ERCC6L2: variants seen among roughly 807,000 people sequenced by gnomAD.
ERCC6L2 encodes DNA excision repair protein ERCC-6-like 2.
In ERCC6L2, 77 loss-of-function variants were observed where a neutral mutation model predicts 132.0. That is an observed-to-expected ratio of 0.58 (90% CI 0.49 to 0.71). The LOEUF (loss-of-function observed/expected upper bound fraction) is 0.71, where lower values mean the gene tolerates loss of function less well. ERCC6L2 is among the 30% of genes least tolerant of loss of function. The probability of loss-of-function intolerance (pLI) is 0.00; values close to 1 mark genes in which losing one functional copy is unlikely to be tolerated. For synonymous variants in ERCC6L2, 583 were observed against 632.4 expected, an observed-to-expected ratio of 0.92 and a Z score of 1.17; for missense variants, 1,542 against 1,837.6, an observed-to-expected ratio of 0.84 and a Z score of 2.94.
intron 9 of ERCC6L2, 136 bp downstream of exon 9, chr9:95,923,515 A>AC: frequency 1.0e-6 from 1 of 959,880 alleles, no homozygotes; most frequent in Non-Finnish European, 1.5e-6. Context: ...AAGTGGTGCA[A>AC]TTGTATCAGC....
chr9:96,001,945 C>T (rs983235938), intron 17 of ERCC6L2, among the ~76,000 whole-genome samples: 28 of 152,368 alleles, frequency 1.8e-4, no homozygotes, highest in African/African-American at 6.3e-4. Flanking sequence ...GTACACCCTC[C>T]GCAGCCACTG....
rs757258230 is a variant in ERCC6L2, at chr9:96,004,632, AG to A, written c.3606del (p.Lys1203ArgfsTer13). 1 of 1,329,914 alleles carries A rather than the reference AG, an allele frequency of 7.5e-7. No homozygotes were observed. Among genetic ancestry groups the A allele is most frequent in the Non-Finnish European group, 1.0e-6 (1 of 1,001,520 alleles). The allele number at this position is 1,329,914 out of a possible 1,614,324, so 82.4% of individuals were successfully genotyped here. ...PLYISNPVNQ[K>X]KKKVYHTNQT... ...TACATTTCAAATCCTGTAAACCAGA[AG>A]AAGAAAAAAGTCTACCATACAAACC... On this transcript the variant is annotated frameshift_variant, in exon 18 of 19. Transcript: ENST00000653738. LOFTEE classifies it high-confidence loss of function.
intron 10 of ERCC6L2, 95 bp from the exon 11 acceptor site, chr9:95,928,624 C>T (rs1344730678): frequency 1.8e-6 from 2 of 1,088,460 alleles, no homozygotes; most frequent in Non-Finnish European, 2.5e-6. Flanking sequence ...ATTATGAACA[C>T]CAATAATTAA....
chr9:95,960,398 A>T (rs1831846008), intron 13 of ERCC6L2, among the ~76,000 whole-genome samples: 1 of 152,166 alleles, frequency 6.6e-6, no homozygotes, highest in Admixed American at 6.6e-5. Flanking sequence ...ATGGTACTTT[A>T]TATGGAAAAA....
intron 1 of ERCC6L2, among the ~76,000 whole-genome samples, chr9:95,877,799 T>C (rs1218680425): frequency 6.6e-6 from 1 of 150,786 alleles, no homozygotes; most frequent in African/African-American, 2.5e-5. Context: ...GAGACACTCT[T>C]GTCTAAAAAA....
At chr9:95,963,193 T>G (rs1000548330) in intron 13 of ERCC6L2, among the ~76,000 whole-genome samples, 1 of 151,860 alleles carries the variant, frequency 6.6e-6, no homozygotes, top group Non-Finnish European at 1.5e-5. Flanking sequence ...ATTTTATTTG[T>G]AAGTGTTTGC....
intron 2 of ERCC6L2, among the ~76,000 whole-genome samples, chr9:95,891,221 A>G (rs1828145380): frequency 6.6e-6 from 1 of 152,186 alleles, no homozygotes; most frequent in East Asian, 1.9e-4. Flanking sequence ...CTGTCTCAAA[A>G]AAAAGCTCCT....
chr9:95,986,194 A>G (rs75067187), intron 17 of ERCC6L2, among the ~76,000 whole-genome samples: 4,998 of 152,322 alleles, frequency 0.033, 101 homozygotes, highest in East Asian at 0.13. Flanking sequence ...ATGCATATGT[A>G]CAACATGCTT....
chr9:96,037,673 A>T (rs1377408155), intron 19 of ERCC6L2, among the ~76,000 whole-genome samples: 1 of 152,116 alleles, frequency 6.6e-6, no homozygotes, highest in East Asian at 1.9e-4. Flanking sequence ...ATAGCTTCTG[A>T]GCACCTAAAC....
chr9:95,907,970 G>A (rs1247847456), intron 4 of ERCC6L2, among the ~76,000 whole-genome samples: 1 of 151,970 alleles, frequency 6.6e-6, no homozygotes, highest in African/African-American at 2.4e-5. Flanking sequence ...GGTACTTTGA[G>A]GATTTTGATC....
At chr9:95,976,531 C>T (rs914702284) in intron 16 of ERCC6L2, among the ~76,000 whole-genome samples, 6 of 152,186 alleles carry the variant, frequency 3.9e-5, no homozygotes, top group Non-Finnish European at 8.8e-5. Flanking sequence ...TTAGGTCTGT[C>T]AGGTACCCTG....
chr9:96,026,792 C>CACACACACA (rs1554764966), intron 19 of ERCC6L2, among the ~76,000 whole-genome samples: 1 of 134,134 alleles, frequency 7.5e-6, no homozygotes, highest in Admixed American at 7.4e-5. Flanking sequence ...CCACACACAC[C>CACACACACA]CCACACACAT....
Position 95,970,674 on chromosome 9 carries a change from C to G in ERCC6L2, c.2181+18C>G. 1 of 1,294,464 alleles carries G rather than the reference C, an allele frequency of 7.7e-7. No individual in the cohort carries two copies. The highest frequency in any genetic ancestry group is 1.0e-6 in the Non-Finnish European group (1 of 983,410). The allele number at this position is 1,294,464 out of a possible 1,614,324, so 80.2% of individuals were successfully genotyped here. A position where few individuals can be genotyped will look rare whatever the true frequency, so the allele number is the denominator to read the frequency against. On this transcript the variant is annotated intron_variant, in intron 15 of 18. Coordinates refer to ENST00000653738, the MANE Select transcript of ERCC6L2 (RefSeq NM_020207.7). The stretch of plus-strand genomic sequence containing the variant: ...TGGAAATGGTATGTAATATTTGAAC[C>G]TGTAGACTACAACACCTAGAAAACA...
At chr9:95,878,973 A>G (rs1287055924) in intron 1 of ERCC6L2, among the ~76,000 whole-genome samples, 1 of 152,102 alleles carries the variant, frequency 6.6e-6, no homozygotes, top group African/African-American at 2.4e-5. Context: ...ATACGTGTGC[A>G]TGTGTCTTTA....
chr9:95,925,424 A>G (rs1279930539), intron 9 of ERCC6L2, among the ~76,000 whole-genome samples: 2 of 152,182 alleles, frequency 1.3e-5, no homozygotes, highest in African/African-American at 4.8e-5. Context: ...GAAAGTTAAG[A>G]TCCAAGGTTC....
At chr9:96,022,296 A>G (rs1457555707), downstream of ERCC6L2, among the ~76,000 whole-genome samples, 4 of 152,114 alleles carry the variant, frequency 2.6e-5, no homozygotes, top group African/African-American at 9.7e-5. Flanking sequence ...GGCGGGTGCA[A>G]GCCTCCTGTA....
chr9:95,894,359 A>G (rs1258600887), intron 2 of ERCC6L2, among the ~76,000 whole-genome samples: 1 of 152,186 alleles, frequency 6.6e-6, no homozygotes, highest in Admixed American at 6.5e-5. Flanking sequence ...CTTTAGCCAT[A>G]TTCTACAAAT....
intron 17 of ERCC6L2, among the ~76,000 whole-genome samples, chr9:96,001,186 A>C (rs151249578): frequency 6.6e-6 from 1 of 152,182 alleles, no homozygotes; most frequent in African/African-American, 2.4e-5. Flanking sequence ...GCGTGGACCC[A>C]AAGAGTGAGC....
rs139804314 is a variant in ERCC6L2, at chr9:96,012,734, G to C, written c.4184G>C (p.Arg1395Thr). ...AGTGAGTCTGAAACACGTGAGAGAA[G>C]GTTAGAAAATACCATGAAAGACCAA... The part of the protein sequence containing the change: ...LNSESETRER[R>T]LENTMKDQQD... The change falls in exon 19 of 19, where the codon AGG (arginine) becomes ACG (threonine). Residue 1395 changes from arginine to threonine, a missense_variant. Transcript: ENST00000653738. 1.5e-6 allele frequency: 2 copies of C among 1,367,382 alleles called. No individual in the cohort carries two copies. The highest frequency in any genetic ancestry group is 1.5e-5 in the African/African-American group (1 of 67,706). The allele number at this position is 1,367,382 out of a possible 1,614,324, so 84.7% of individuals were successfully genotyped here.
Sources: gnomAD v4.1 joint callset for allele counts (sites outside exome capture counted in the v4.1 genomes callset) on GRCh38, gnomAD v4.1.1 for gene constraint, MANE v1.5 for transcripts, NCBI Gene and HGNC (gene_info 2026-07-23, HGNC 2026-07-21) for gene names.